The following AK5 variants were observed in gnomAD, a reference collection of about 807,000 sequenced individuals.
AK5 encodes the protein adenylate kinase 5.
A neutral mutation model predicts 69.5 loss-of-function variants in AK5; 27 were observed. The ratio of observed to expected loss-of-function variants is 0.39; its 90% CI spans 0.29 to 0.54. The LOEUF is 0.54. Among genes scored for constraint, AK5 ranks in the 20% least tolerant of loss-of-function variants. AK5 has a pLI of 0.71. For missense variants in AK5, 531 were observed against 700.4 expected (o/e 0.76, Z 2.73); for synonymous variants, 260 against 244.4 (o/e 1.06, Z -0.60).
chr1:77,322,984 CTTTTCTTTTTTT>C (rs931100515), intron 5 of AK5, among the ~76,000 whole-genome samples: 15 of 149,548 alleles, frequency 1.0e-4, no homozygotes, highest in African/African-American at 3.7e-4. Context: ...CTTTGTTTTT[CTTTTCTTTTTTT>C]TTTTCTTTTG....
chr1:77,461,311 G>T (rs1468659051), intron 8 of AK5, among the ~76,000 whole-genome samples: 1 of 151,694 alleles, frequency 6.6e-6, no homozygotes, highest in Non-Finnish European at 1.5e-5. Context: ...GGGATTACAG[G>T]CGTGAGCCAC....
intron 10 of AK5, among the ~76,000 whole-genome samples, chr1:77,518,227 G>A (rs980196263): frequency 6.6e-6 from 1 of 152,180 alleles, no homozygotes; most frequent in Non-Finnish European, 1.5e-5. Context: ...ACGGAGCCAA[G>A]TACCCCTCCT....
intron 7 of AK5, among the ~76,000 whole-genome samples, chr1:77,416,614 G>T (rs575380309): frequency 6.6e-6 from 1 of 152,052 alleles, no homozygotes; most frequent in South Asian, 2.1e-4. Context: ...AAGAGAAGGG[G>T]GAAAAAAGAG....
intron 11 of AK5, 69 bp downstream of exon 11, chr1:77,518,796 G>C: frequency 6.8e-7 from 1 of 1,470,746 alleles, no homozygotes; most frequent in Non-Finnish European, 9.3e-7. Flanking sequence ...TTTTTGTAAT[G>C]AATCTGAGCT....
chr1:77,334,106 T>A (rs1661226627), intron 5 of AK5, among the ~76,000 whole-genome samples: 1 of 152,248 alleles, frequency 6.6e-6, no homozygotes, highest in Admixed American at 6.5e-5. Context: ...ACCTAAAGAA[T>A]ACTCTTTGAT....
intron 8 of AK5, among the ~76,000 whole-genome samples, chr1:77,476,106 G>T (rs1317763299): frequency 6.6e-6 from 1 of 152,034 alleles, no homozygotes; most frequent in Non-Finnish European, 1.5e-5. Flanking sequence ...AATACAACTG[G>T]AAAAAGTTAG....
chr1:77,441,909 G>A (rs1652352904), intron 8 of AK5, among the ~76,000 whole-genome samples: 1 of 152,164 alleles, frequency 6.6e-6, no homozygotes, highest in Non-Finnish European at 1.5e-5. Context: ...TGTTCACAGA[G>A]CCAGGATCTG....
intron 8 of AK5, among the ~76,000 whole-genome samples, chr1:77,463,725 C>G (rs1440468529): frequency 6.6e-6 from 1 of 151,646 alleles, no homozygotes; most frequent in Non-Finnish European, 1.5e-5. Context: ...CTCTATTTTT[C>G]CCTTATTATA....
intron 6 of AK5, among the ~76,000 whole-genome samples, chr1:77,401,579 A>G (rs887894334): frequency 2.0e-5 from 3 of 152,206 alleles, no homozygotes; most frequent in Non-Finnish European, 2.9e-5. Flanking sequence ...ATCGCAGAGG[A>G]AAGATTGAAC....
intron 8 of AK5, among the ~76,000 whole-genome samples, chr1:77,472,155 A>C (rs1654546421): frequency 6.6e-6 from 1 of 152,224 alleles, no homozygotes; most frequent in Non-Finnish European, 1.5e-5. Context: ...AAATTGTCAT[A>C]AACAATTAAA....
intron 13 of AK5, among the ~76,000 whole-genome samples, chr1:77,555,239 C>T (rs1332417643): frequency 2.0e-5 from 3 of 152,154 alleles, no homozygotes; most frequent in Non-Finnish European, 4.4e-5. Context: ...GATCGTGCCA[C>T]TGCACTCCAG....
intron 3 of AK5, among the ~76,000 whole-genome samples, 184 bp from the exon 4 acceptor site, chr1:77,297,375 C>G (rs937024355): frequency 6.6e-6 from 1 of 152,050 alleles, no homozygotes; most frequent in Non-Finnish European, 1.5e-5. Context: ...CAAGACAATT[C>G]TTTCCTTGAC....
chr1:77,490,226 G>A (rs1013386901), intron 10 of AK5, among the ~76,000 whole-genome samples: 1 of 152,208 alleles, frequency 6.6e-6, no homozygotes, highest in East Asian at 1.9e-4. Flanking sequence ...TTAATTAGGA[G>A]CCTAATCAGA....
intron 13 of AK5, among the ~76,000 whole-genome samples, chr1:77,544,652 A>G (rs1324762017): frequency 1.3e-5 from 2 of 151,922 alleles, no homozygotes; most frequent in Non-Finnish European, 2.9e-5. Context: ...TTACCTCCGT[A>G]TCTTGCCCAC....
chr1:77,508,693 C>T (rs1196963532), intron 10 of AK5, among the ~76,000 whole-genome samples: 1 of 151,956 alleles, frequency 6.6e-6, no homozygotes, highest in African/African-American at 2.4e-5. Flanking sequence ...GTGGCAAAAC[C>T]CCGTCTCTAC....
In AK5 at chr1:77,558,483, G is replaced by GGC. The variant is rs1446978454; in HGVS notation, c.1621-118_1621-117insCG. 3 of 618,200 alleles carry GGC rather than the reference G, an allele frequency of 4.9e-6. No individual in the cohort carries two copies. The African/African-American group carries it at 5.6e-5, about 12-fold the overall frequency. The allele number at this position is 618,200 out of a possible 1,614,324, so 38.3% of individuals were successfully genotyped here. A position where few individuals can be genotyped will look rare whatever the true frequency, so the allele number is the denominator to read the frequency against. ...CACTTTTTTCTCTGTGTTTTGGGGG[G>GGC]GGTCTTGTGTTTTAAAATTTTGCAG... On this transcript the variant is annotated intron_variant, in intron 13 of 13. Transcript: ENST00000354567.
intron 5 of AK5, among the ~76,000 whole-genome samples, chr1:77,333,139 G>T (rs1453969477): frequency 6.6e-6 from 1 of 152,112 alleles, no homozygotes; most frequent in Non-Finnish European, 1.5e-5. Context: ...GTTGTTTAGT[G>T]TCTTCATGGT....
At chr1:77,338,329 G>A (rs56820771) in intron 5 of AK5, among the ~76,000 whole-genome samples, 1 of 152,188 alleles carries the variant, frequency 6.6e-6, no homozygotes, top group Admixed American at 6.5e-5. Context: ...TAGAAGTTTA[G>A]ATGGGTAAGG....
intron 5 of AK5, chr1:77,313,944 C>T: frequency 2.0e-6 from 1 of 497,888 alleles, no homozygotes; most frequent in Admixed American, 2.2e-5. Flanking sequence ...TGCCACATAT[C>T]TTCCTTGAGG....
Sources: allele counts gnomAD v4.1 joint callset (sites outside exome capture counted in the v4.1 genomes callset), GRCh38; gene constraint gnomAD v4.1.1; transcripts MANE v1.5; gene names NCBI Gene and HGNC (gene_info 2026-07-23, HGNC 2026-07-21).